The following STIP1 variants were observed in gnomAD, a reference collection of about 807,000 sequenced individuals.
The protein encoded by STIP1 is stress-induced-phosphoprotein 1.
In STIP1, 16 loss-of-function variants were observed where a neutral mutation model predicts 77.4. That is an observed-to-expected ratio of 0.21 (90% CI 0.14 to 0.31). STIP1 has a LOEUF of 0.31. Ranked by LOEUF, STIP1 falls within the 10% of genes least tolerant of loss-of-function variation. The pLI is 1.00. For synonymous variants in STIP1, 258 were observed against 246.6 expected, an observed-to-expected ratio of 1.05 and a Z score of -0.44; for missense variants, 524 against 684.8, an observed-to-expected ratio of 0.77 and a Z score of 2.62.
At chr11:64,190,035 C>G (rs912341165) in intron 1 of STIP1, among the ~76,000 whole-genome samples, 33 of 150,716 alleles carry the variant, frequency 2.2e-4, no homozygotes, top group African/African-American at 5.9e-4. Flanking sequence ...GAGTCTCACT[C>G]TGTCCTCCAG....
upstream of STIP1, chr11:64,185,794 G>A: frequency 6.5e-7 from 1 of 1,534,828 alleles, no homozygotes; most frequent in Non-Finnish European, 8.7e-7. Flanking sequence ...CGCCCAATTG[G>A]AATCGCTCTC....
upstream of STIP1, chr11:64,185,918 A>T (rs1169670238): frequency 6.5e-7 from 1 of 1,536,282 alleles, no homozygotes; most frequent in Admixed American, 2.0e-5. Flanking sequence ...GCAGTGCAAA[A>T]GACCAATCCG....
chr11:64,198,535 A>AG (rs1946176598), intron 8 of STIP1, among the ~76,000 whole-genome samples: 2 of 152,100 alleles, frequency 1.3e-5, no homozygotes, highest in African/African-American at 4.8e-5. Context: ...TTTGTAGAGA[A>AG]GGGGTCTCAC....
intron 1 of STIP1, among the ~76,000 whole-genome samples, chr11:64,188,773 C>G (rs1946058031): frequency 6.6e-6 from 1 of 152,214 alleles, no homozygotes; most frequent in African/African-American, 2.4e-5. Context: ...CTTAGGACAG[C>G]AAACTGGCAT....
At position 64,194,483 on chromosome 11, in the gene STIP1, A is replaced by T. The variant is rs543803601; in HGVS notation, c.366A>T (p.Arg122Ser). 3.7e-6 allele frequency: 6 copies of T among 1,614,016 alleles called. No individual in the cohort carries two copies. In the East Asian group the frequency reaches 1.3e-4, roughly 36 times the overall value. ...LQNMEARLAE[R>S]KFMNPFNMPN... ...TGCTTTCCTTTATTTGGACAGAGAG[A>T]AAATTCATGAACCCTTTCAACATGC... The change falls in exon 4 of 14, where the codon AGA (arginine) becomes AGT (serine). Residue 122 changes from arginine (R) to serine (S), a missense_variant. Transcript: ENST00000305218.
At chr11:64,186,325 C>T (rs1486593331) in intron 1 of STIP1, 55 bp downstream of exon 1, 12 of 1,422,214 alleles carry the variant, frequency 8.4e-6, no homozygotes, top group Middle Eastern at 2.5e-4. Context: ...CCGGCGGTGG[C>T]CAGGCCGCGG....
chr11:64,195,293 T>TA (rs1946136700), intron 4 of STIP1, among the ~76,000 whole-genome samples: 1 of 152,082 alleles, frequency 6.6e-6, no homozygotes, highest in Non-Finnish European at 1.5e-5. Flanking sequence ...TTTGTATGTT[T>TA]AGTAGTAGCG....
Position 64,194,340 on chromosome 11 carries a change from A to G in STIP1, c.361+10A>G. 1 of 1,612,684 alleles carries G rather than the reference A, an allele frequency of 6.2e-7. No individual in the cohort carries two copies. The highest frequency in any genetic ancestry group is 1.1e-5 in the South Asian group (1 of 90,674). ...GAGGCCAGGTTGGCAGGTAGGTACC[A>G]CGCACAGTTTTCTTTCTTATTATTA... On this transcript the variant is annotated intron_variant, in intron 3 of 13. Transcript: ENST00000305218.
Position 64,186,199 on chromosome 11 carries a change from C to T in STIP1, c.-63C>T, listed in dbSNP as rs995451442. ...TTCTAGTAGGTTCCAGAAGGCGGCG[C>T]GTGCGGTTGGGAACGCGGAGCGGAC... is the stretch of plus-strand genomic sequence containing the variant. On this transcript the variant is annotated 5_prime_UTR_variant, in exon 1 of 14. Coordinates refer to ENST00000305218, the MANE Select transcript of STIP1 (RefSeq NM_006819.3). The T allele has an allele frequency of 1.3e-6, 2 of 1,550,690 alleles. No homozygotes were observed. The highest frequency in any genetic ancestry group is 2.4e-5 in the East Asian group (1 of 41,016).
intron 10 of STIP1, 49 bp downstream of exon 10, chr11:64,200,342 A>G: frequency 6.4e-7 from 1 of 1,564,014 alleles, no homozygotes; most frequent in Middle Eastern, 1.7e-4. Context: ...GCACATGAGG[A>G]GTGGGTTTTC....
intron 4 of STIP1, 131 bp from the exon 5 acceptor site, chr11:64,195,514 T>C (rs1946139450): frequency 1.1e-6 from 1 of 877,854 alleles, no homozygotes; most frequent in Admixed American, 3.0e-5. Context: ...TGGTGCAAAA[T>C]CTAGCCATCT....
chr11:64,193,324 G>T, intron 2 of STIP1, 37 bp downstream of exon 2: 4 of 1,604,946 alleles, frequency 2.5e-6, no homozygotes, highest in Non-Finnish European at 3.4e-6. Context: ...AGGCCCTTCA[G>T]ACCCTTCCAG....
At chr11:64,193,420 A>G in intron 2 of STIP1, 133 bp downstream of exon 2, 1 of 769,832 alleles carries the variant, frequency 1.3e-6, no homozygotes, top group East Asian at 2.7e-5. Flanking sequence ...TCCTCCTCAG[A>G]AATGGCATTT....
In STIP1 at chr11:64,195,832, C is replaced by T; in HGVS notation, c.672+19C>T. The T allele has an allele frequency of 1.9e-6, 3 of 1,613,914 alleles. No homozygotes were observed. Among genetic ancestry groups the T allele is most frequent in the Non-Finnish European group, 2.5e-6 (3 of 1,179,922 alleles). On this transcript the variant is annotated intron_variant, in intron 5 of 13. Coordinates refer to ENST00000305218, the MANE Select transcript of STIP1 (RefSeq NM_006819.3). ...GAAGCAGGTCTTGTTTTTTTCTCTC[C>T]TCACTGTCACCTATCTATAAACAAC...
intron 2 of STIP1, 30 bp from the exon 3 acceptor site, chr11:64,194,159 C>T (rs761607541): frequency 8.8e-6 from 14 of 1,595,804 alleles, no homozygotes; most frequent in Non-Finnish European, 1.2e-5. Context: ...TGGGTGTTCT[C>T]TATTTTGTGT....
chr11:64,195,144 C>T (rs562778791), intron 4 of STIP1, among the ~76,000 whole-genome samples: 1 of 152,022 alleles, frequency 6.6e-6, no homozygotes, highest in South Asian at 2.1e-4. Context: ...GATGGAGTCT[C>T]GCTCTGTCCC....
At chr11:64,187,467 C>T (rs1240153547) in intron 1 of STIP1, among the ~76,000 whole-genome samples, 1 of 152,290 alleles carries the variant, frequency 6.6e-6, no homozygotes, top group Admixed American at 6.5e-5. Flanking sequence ...TAAGACATCT[C>T]GATGGACTAG....
intron 8 of STIP1, among the ~76,000 whole-genome samples, chr11:64,199,594 G>A (rs1946192869): frequency 7.7e-6 from 1 of 130,148 alleles, no homozygotes; most frequent in African/African-American, 2.9e-5. Context: ...ATGGAGTCTC[G>A]CTCTGTCACC....
chr11:64,200,194 T>C lies in STIP1; in HGVS notation c.1146T>C (p.His382=). Residue 382 remains histidine, a synonymous_variant, in exon 10 of 14, where the codon CAT becomes CAC. Transcript: ENST00000305218. ...GGGACTATCCCCAGGCCATGAAGCA[T>C]TATACAGAAGCCATCAAAAGGAACC... ...QKGDYPQAMK[H]YTEAIKRNPK... 6.2e-7 allele frequency: 1 copy of C among 1,613,904 alleles called. No individual in the cohort carries two copies. Among genetic ancestry groups the C allele is most frequent in the East Asian group, 2.2e-5 (1 of 44,888 alleles).
Sources: gnomAD v4.1 joint callset for allele counts (sites outside exome capture counted in the v4.1 genomes callset) on GRCh38, gnomAD v4.1.1 for gene constraint, MANE v1.5 for transcripts, NCBI Gene and HGNC (gene_info 2026-07-23, HGNC 2026-07-21) for gene names.